ABTB3: variants seen among roughly 807,000 people sequenced by gnomAD.
ABTB3 encodes the protein ankyrin repeat and BTB domain containing 3, also known as ankyrin repeat- and BTB/POZ domain-containing protein 3.
the ABTB3 span, among the ~76,000 whole-genome samples, chr12:107,654,205 CT>C: frequency 6.6e-6 from 1 of 152,196 alleles, no homozygotes; most frequent in Non-Finnish European, 1.5e-5. Flanking sequence ...ACTTTAGTTG[CT>C]TCCACTTTTT....
At chr12:107,335,473 G>A in the ABTB3 span, among the ~76,000 whole-genome samples, 1 of 151,984 alleles carries the variant, frequency 6.6e-6, no homozygotes, top group African/African-American at 2.4e-5. Flanking sequence ...CCAAATCAAC[G>A]ATTTTGATCT....
At chr12:107,486,849 A>G in the ABTB3 span, among the ~76,000 whole-genome samples, 10 of 152,154 alleles carry the variant, frequency 6.6e-5, 1 homozygote, top group South Asian at 1.5e-3. Context: ...CCTAAGTGGT[A>G]GGTATTTTTA....
chr12:107,593,670 G>T, the ABTB3 span, among the ~76,000 whole-genome samples: 1 of 152,314 alleles, frequency 6.6e-6, no homozygotes, highest in Admixed American at 6.5e-5. Flanking sequence ...AAATACATGT[G>T]GCTTGGATAA....
At chr12:107,540,491 A>G in the ABTB3 span, among the ~76,000 whole-genome samples, 1 of 152,148 alleles carries the variant, frequency 6.6e-6, no homozygotes, top group South Asian at 2.1e-4. Flanking sequence ...ATTACCGGCT[A>G]TCTAGGTGTC....
the ABTB3 span, among the ~76,000 whole-genome samples, chr12:107,550,774 G>A: frequency 4.6e-5 from 7 of 151,854 alleles, no homozygotes; most frequent in Middle Eastern, 3.4e-3. Context: ...GTAGAGACAG[G>A]GTTTCACCAT....
At chr12:107,512,224 G>T in the ABTB3 span, among the ~76,000 whole-genome samples, 1 of 152,186 alleles carries the variant, frequency 6.6e-6, no homozygotes, top group Non-Finnish European at 1.5e-5. Flanking sequence ...TGCTTAATTT[G>T]TTATTTCCAA....
the ABTB3 span, among the ~76,000 whole-genome samples, chr12:107,495,193 C>A: frequency 6.6e-6 from 1 of 152,190 alleles, no homozygotes; most frequent in East Asian, 1.9e-4. Flanking sequence ...AAAGACATGA[C>A]TTGCAGCTGG....
the ABTB3 span, among the ~76,000 whole-genome samples, chr12:107,544,464 C>T: frequency 2.0e-5 from 3 of 152,158 alleles, no homozygotes; most frequent in African/African-American, 4.8e-5. Flanking sequence ...CACCACCTCT[C>T]GTGGGAGTTA....
chr12:107,356,958 A>G, the ABTB3 span, among the ~76,000 whole-genome samples: 1 of 152,242 alleles, frequency 6.6e-6, no homozygotes, highest in Non-Finnish European at 1.5e-5. Context: ...TCTGAGTTTA[A>G]AAAGGAAAAA....
At chr12:107,473,387 T>C in the ABTB3 span, among the ~76,000 whole-genome samples, 1 of 152,042 alleles carries the variant, frequency 6.6e-6, no homozygotes, top group Non-Finnish European at 1.5e-5. Flanking sequence ...CCAGTCTTGC[T>C]CTGTTGCTCA....
the ABTB3 span, among the ~76,000 whole-genome samples, chr12:107,416,778 G>A: frequency 6.6e-6 from 1 of 152,162 alleles, no homozygotes; most frequent in Non-Finnish European, 1.5e-5. Flanking sequence ...ACAGACGAGT[G>A]CCACCCTGCC....
the ABTB3 span, among the ~76,000 whole-genome samples, chr12:107,550,010 T>C: frequency 4.6e-5 from 7 of 152,210 alleles, no homozygotes; most frequent in Non-Finnish European, 1.0e-4. Context: ...AAGTTCCTGA[T>C]GACTGGGCGA....
the ABTB3 span, among the ~76,000 whole-genome samples, chr12:107,638,781 T>G: frequency 6.6e-6 from 1 of 152,254 alleles, no homozygotes; most frequent in Non-Finnish European, 1.5e-5. Flanking sequence ...TAATGGGTAT[T>G]ACAATTTCCA....
At chr12:107,642,212 C>A in the ABTB3 span, 1 of 1,575,512 alleles carries the variant, frequency 6.3e-7, no homozygotes, top group Non-Finnish European at 8.7e-7. Flanking sequence ...CTGGTTGGCA[C>A]AGGGCACAGG....
the ABTB3 span, among the ~76,000 whole-genome samples, chr12:107,355,854 C>T: frequency 6.6e-6 from 1 of 152,178 alleles, no homozygotes; most frequent in Admixed American, 6.5e-5. Flanking sequence ...AACCCACCGT[C>T]TGTGCTTTCA....
chr12:107,557,696 A>G, the ABTB3 span, among the ~76,000 whole-genome samples: 3 of 152,336 alleles, frequency 2.0e-5, no homozygotes, highest in South Asian at 6.2e-4. Context: ...AGTACTTTAC[A>G]TGAATTAACT....
the ABTB3 span, among the ~76,000 whole-genome samples, chr12:107,380,421 C>T: frequency 6.6e-6 from 1 of 152,136 alleles, no homozygotes; most frequent in Admixed American, 6.6e-5. Flanking sequence ...AACTTGGCTG[C>T]GTGTCCCAAC....
At chr12:107,325,529 G>T in the ABTB3 span, among the ~76,000 whole-genome samples, 1 of 152,050 alleles carries the variant, frequency 6.6e-6, no homozygotes, top group Non-Finnish European at 1.5e-5. Context: ...TTCAGTGCTG[G>T]GGCATTTGCA....
the ABTB3 span, chr12:107,642,065 A>C: frequency 3.7e-6 from 6 of 1,604,998 alleles, no homozygotes; most frequent in Admixed American, 6.7e-5. Flanking sequence ...AGTCTTTTTT[A>C]TCTCTTTTTT....
Sources: allele counts gnomAD v4.1 joint callset (sites outside exome capture counted in the v4.1 genomes callset), GRCh38; gene constraint gnomAD v4.1.1; transcripts MANE v1.5; gene names NCBI Gene and HGNC (gene_info 2026-07-23, HGNC 2026-07-21).